Variants in UMOD observed in about 807,000 individuals in gnomAD.
UMOD encodes Tamm-Horsfall urinary glycoprotein.
Under a neutral mutation model 66.0 loss-of-function variants are expected in UMOD, and 64 were observed. That is an observed-to-expected ratio of 0.97 (90% CI 0.79 to 1.19). The LOEUF (loss-of-function observed/expected upper bound fraction) is 1.19, where lower values mean the gene tolerates loss of function less well. UMOD is among the 50% of genes most tolerant of loss of function. UMOD has a pLI of 0.00. For missense variants in UMOD, 764 were observed against 850.9 expected, an observed-to-expected ratio of 0.90 and a Z score of 1.27; for synonymous variants, 398 against 352.7, an observed-to-expected ratio of 1.13 and a Z score of -1.44.
intron 9 of UMOD, 69 bp from the exon 10 acceptor site, chr16:20,335,589 C>A: frequency 6.7e-7 from 1 of 1,482,020 alleles, no homozygotes; most frequent in Admixed American, 1.7e-5. Context: ...CTGACAGAAA[C>A]CCCTTCAATC....
chr16:20,335,354 C>T, intron 10 of UMOD, 128 bp downstream of exon 10: 1 of 935,374 alleles, frequency 1.1e-6, no homozygotes, highest in East Asian at 2.6e-5. Context: ...AGCCACTCTC[C>T]TTATTTAGAA....
At position 20,341,210 on chromosome 16, in the gene UMOD, G is replaced by T. The variant is rs141800038; in HGVS notation, c.1458C>A (p.Tyr486Ter). 3.0e-5 allele frequency: 48 copies of T among 1,613,932 alleles called. No individual in the cohort carries two copies. The African/African-American group carries it at 4.8e-4, about 16-fold the overall frequency. Reference sequence around the variant, plus strand: ...CGCCCCCATCCAACATGGTGCCCACGTAGAGAAAAGCCTCAGTGGACAGTG... The same window carrying T: ...CGCCCCCATCCAACATGGTGCCCACTTAGAGAAAAGCCTCAGTGGACAGTG... ...SVTLSTEAFL[Y>*]VGTMLDGGDL... Residue 486 changes from tyrosine (Y) to a stop codon, truncating the protein, a stop_gained, in exon 7 of 11, where the codon TAC becomes TAA. Coordinates refer to ENST00000396138, the MANE Select transcript of UMOD (RefSeq NM_003361.4). LOFTEE classifies it high-confidence loss of function.
chr16:20,335,223 T>C lies in UMOD; in HGVS notation c.1861+259A>G, dbSNP rs9935075. Among the ~76,000 whole-genome samples, 4,740 of 152,232 alleles carry C rather than the reference T, an allele frequency of 0.031. 150 individuals carry two copies. The highest frequency in any genetic ancestry group is 0.072 in the African/African-American group (2,995 of 41,526). ...GATGCAGATCTGGAGTGTGTGCATA[T>C]CCTTTGGGTTTGTAATAAGTTTGTG... On this transcript the variant is annotated intron_variant, in intron 10 of 10. Coordinates refer to ENST00000396138, the MANE Select transcript of UMOD (RefSeq NM_003361.4).
At chr16:20,345,480 T>C (rs7196924) in intron 5 of UMOD, among the ~76,000 whole-genome samples, 21 of 28,220 alleles carry the variant, frequency 7.4e-4, no homozygotes, top group African/African-American at 1.5e-3. Flanking sequence ...CCTTCCTTCC[T>C]TCCCTCCCTC....
intron 5 of UMOD, 75 bp downstream of exon 5, chr16:20,346,051 A>AT (rs1242110459): frequency 3.5e-6 from 5 of 1,438,962 alleles, no homozygotes; most frequent in Non-Finnish European, 4.8e-6. Context: ...CAAAGCTTCT[A>AT]TAACTAGGAA....
chr16:20,348,479 G>T lies in UMOD; in HGVS notation c.822C>A (p.Tyr274Ter), dbSNP rs1965710047. ...GACACTCGGGGGGCGCTGTCAGGTT[G>T]TAGACGTAGTAGCCGCCGGCACAGG... Reference protein sequence around the residue: ...VKACAGGYYVYNLTAPPECHL... With the variant: ...VKACAGGYYV The change falls in exon 3 of 11, where the codon TAC (tyrosine) becomes TAA (stop). Residue 274 changes from tyrosine (Y) to a stop codon, truncating the protein, a stop_gained. Transcript: ENST00000396138. LOFTEE classifies it high-confidence loss of function. 2 of 1,612,136 alleles carry T rather than the reference G, an allele frequency of 1.2e-6. No homozygotes were observed. The highest frequency in any genetic ancestry group is 1.3e-5 in the African/African-American group (1 of 74,920).
intron 7 of UMOD, among the ~76,000 whole-genome samples, chr16:20,339,038 G>T (rs567552246): frequency 1.3e-5 from 2 of 152,382 alleles, no homozygotes; most frequent in African/African-American, 4.8e-5. Context: ...TGGGATTACA[G>T]GCGTGAGCCA....
chr16:20,353,751 T>C (rs533723119), upstream of UMOD, among the ~76,000 whole-genome samples: 1 of 146,806 alleles, frequency 6.8e-6, no homozygotes, highest in Non-Finnish European at 1.5e-5. Flanking sequence ...CCATGATCAC[T>C]GCATTGATCT....
upstream of UMOD, among the ~76,000 whole-genome samples, chr16:20,353,660 C>T (rs951685573): frequency 6.6e-6 from 1 of 152,126 alleles, no homozygotes; most frequent in African/African-American, 2.4e-5. Flanking sequence ...CATGACATTC[C>T]AAAAGTCAGT....
At chr16:20,350,159 C>T (rs1305768283) in intron 2 of UMOD, among the ~76,000 whole-genome samples, 6 of 152,130 alleles carry the variant, frequency 3.9e-5, no homozygotes, top group East Asian at 3.9e-4. Flanking sequence ...TAGTATTCAT[C>T]GTGCCCCAAC....
chr16:20,352,810 T>C (rs1965958192), upstream of UMOD: 1 of 1,090,804 alleles, frequency 9.2e-7, no homozygotes, highest in African/African-American at 1.6e-5. Context: ...TGATATTGTT[T>C]TCTTGGGGGT....
At chr16:20,338,943 G>T (rs1276257477) in intron 7 of UMOD, among the ~76,000 whole-genome samples, 1 of 152,052 alleles carries the variant, frequency 6.6e-6, no homozygotes, top group Non-Finnish European at 1.5e-5. Flanking sequence ...TGTATTTTTA[G>T]TAGAGATGGG....
At chr16:20,339,790 T>C (rs377236894) in intron 7 of UMOD, among the ~76,000 whole-genome samples, 2 of 152,272 alleles carry the variant, frequency 1.3e-5, no homozygotes, top group South Asian at 2.1e-4. Context: ...ATATAAGCTG[T>C]GTGAGGGCAG....
upstream of UMOD, among the ~76,000 whole-genome samples, chr16:20,353,750 C>T (rs980868003): frequency 6.8e-6 from 1 of 147,234 alleles, no homozygotes; most frequent in African/African-American, 2.5e-5. Flanking sequence ...ACCATGATCA[C>T]TGCATTGATC....
chr16:20,335,531 A>G lies in UMOD; in HGVS notation c.1823-11T>C. 6.2e-7 allele frequency: 1 copy of G among 1,613,980 alleles called. No individual in the cohort carries two copies. Among genetic ancestry groups the G allele is most frequent in the Non-Finnish European group, 8.5e-7 (1 of 1,179,848 alleles). ...CTGTGGCCTGGACACCTTTGGAGGA[A>G]AACAGAAGGATCAGTGAATAAAGAA... is the stretch of plus-strand genomic sequence containing the variant. On this transcript the variant is annotated splice_polypyrimidine_tract_variant and intron_variant, in intron 9 of 10. Coordinates refer to ENST00000396138, the MANE Select transcript of UMOD (RefSeq NM_003361.4).
chr16:20,349,662 T>C (rs1965792739), intron 2 of UMOD: 2 of 1,366,268 alleles, frequency 1.5e-6, no homozygotes, highest in Admixed American at 5.8e-5. Flanking sequence ...GCTGTCTTCT[T>C]TTAAAATAGC....
At chr16:20,345,400 T>TTTCTTTCTTTCTTTCTTTCTTTCTTTC (rs1555486827) in intron 5 of UMOD, among the ~76,000 whole-genome samples, 1 of 77,956 alleles carries the variant, frequency 1.3e-5, no homozygotes, top group Non-Finnish European at 3.0e-5. Flanking sequence ...TTTTCTTTTT[T>TTTCTTTCTTTCTTTCTTTCTTTCTTTC]TTTCTTTCTT....
At position 20,336,707 on chromosome 16, in the gene UMOD, G is replaced by T. The variant is rs2141632739; in HGVS notation, c.1761C>A (p.Phe587Leu). The change falls in exon 9 of 11, where the codon TTC (phenylalanine) becomes TTA (leucine). Residue 587 changes from phenylalanine (F) to leucine (L), a missense_variant. Phe to Leu is a conservative substitution (Grantham distance 22). Transcript: ENST00000396138. The part of the protein sequence containing the change: ...KCKPTCSGTR[F>L]RSGSVIDQSR... ...ATTGATCTATGACACTCCCACTTCG[G>T]AATCTGGTCCCAGAGCAGGTCTACA... 1.9e-6 allele frequency: 3 copies of T among 1,614,126 alleles called. No homozygotes were observed. The highest frequency in any genetic ancestry group is 2.5e-6 in the Non-Finnish European group (3 of 1,179,998).
intron 5 of UMOD, among the ~76,000 whole-genome samples, chr16:20,345,256 C>T (rs1048933907): frequency 6.6e-6 from 1 of 152,154 alleles, no homozygotes; most frequent in Admixed American, 6.5e-5. Context: ...TCAAGTTATC[C>T]ACCCGCCTCG....
Sources: gnomAD v4.1 joint callset for allele counts (sites outside exome capture counted in the v4.1 genomes callset) on GRCh38, gnomAD v4.1.1 for gene constraint, MANE v1.5 for transcripts, NCBI Gene and HGNC (gene_info 2026-07-23, HGNC 2026-07-21) for gene names.